TRAPPC9: variants seen among roughly 807,000 people sequenced by gnomAD.
The protein encoded by TRAPPC9 is trafficking protein particle complex subunit 9, also known as IKK2 binding protein.
Under a neutral mutation model 124.0 loss-of-function variants are expected in TRAPPC9, and 83 were observed. That is an observed-to-expected ratio of 0.67 (90% CI 0.56 to 0.80). The LOEUF (loss-of-function observed/expected upper bound fraction) is 0.80. TRAPPC9 is among the 30% of genes least tolerant of loss of function. The probability of loss-of-function intolerance (pLI) is 0.00; values close to 1 mark genes in which losing one functional copy is unlikely to be tolerated. For missense variants in TRAPPC9, 1,302 were observed against 1,508.3 expected, an observed-to-expected ratio of 0.86 and a Z score of 2.27; for synonymous variants, 638 against 617.5, an observed-to-expected ratio of 1.03 and a Z score of -0.49.
chr8:140,300,765 A>C, intron 10 of TRAPPC9, 151 bp from the exon 11 acceptor site: 1 of 925,960 alleles, frequency 1.1e-6, no homozygotes, highest in Non-Finnish European at 1.7e-6. Flanking sequence ...GCATCAGGAC[A>C]CAGCAAGGAA....
At chr8:140,400,495 G>A (rs1199051718) in intron 6 of TRAPPC9, among the ~76,000 whole-genome samples, 2 of 152,260 alleles carry the variant, frequency 1.3e-5, no homozygotes, top group Admixed American at 6.5e-5. Flanking sequence ...ATTTTACTTG[G>A]TTGCAAAACA....
At chr8:140,103,838 G>A (rs1232365295) in intron 17 of TRAPPC9, among the ~76,000 whole-genome samples, 1 of 152,184 alleles carries the variant, frequency 6.6e-6, no homozygotes, top group Non-Finnish European at 1.5e-5. Flanking sequence ...ACCCAGCTAA[G>A]AAGAAACAGG....
At chr8:140,036,677 AC>A (rs1840911440) in intron 17 of TRAPPC9, among the ~76,000 whole-genome samples, 1 of 152,016 alleles carries the variant, frequency 6.6e-6, no homozygotes, top group South Asian at 2.1e-4. Flanking sequence ...GGCTGAAGAG[AC>A]GTGGCTCACA....
intron 17 of TRAPPC9, among the ~76,000 whole-genome samples, chr8:140,190,695 A>G (rs144737774): frequency 4.2e-3 from 645 of 152,336 alleles, no homozygotes; most frequent in Non-Finnish European, 6.6e-3. Flanking sequence ...ACAAACTGCT[A>G]GCTTCTTCTC....
intron 6 of TRAPPC9, among the ~76,000 whole-genome samples, chr8:140,403,315 G>C (rs1035128255): frequency 6.6e-6 from 1 of 151,890 alleles, no homozygotes. Flanking sequence ...CTGTAGTCCC[G>C]CTACTCAGGA....
At chr8:140,391,712 CAAAA>C (rs1238939604) in intron 7 of TRAPPC9, among the ~76,000 whole-genome samples, 6 of 75,456 alleles carry the variant, frequency 8.0e-5, no homozygotes, top group Non-Finnish European at 5.7e-5. Context: ...AACTCTGTCT[CAAAA>C]AAAAAAAAAA....
chr8:139,964,245 A>T (rs1587356237), intron 19 of TRAPPC9, among the ~76,000 whole-genome samples: 1 of 69,172 alleles, frequency 1.4e-5, no homozygotes, highest in African/African-American at 3.1e-5. Context: ...AAAAAAAAAA[A>T]GCGGGGGAGC....
chr8:140,306,278 G>C (rs1021084873), intron 10 of TRAPPC9, among the ~76,000 whole-genome samples: 12 of 152,086 alleles, frequency 7.9e-5, no homozygotes, highest in Non-Finnish European at 1.8e-4. Context: ...GGTGGATCAT[G>C]AGGTCAAGGG....
At chr8:140,041,256 G>A (rs148645463) in intron 17 of TRAPPC9, among the ~76,000 whole-genome samples, 4 of 152,224 alleles carry the variant, frequency 2.6e-5, no homozygotes, top group African/African-American at 7.2e-5. Context: ...TCAACATACT[G>A]TACCTGGCAG....
chr8:140,236,616 C>T (rs891785304), intron 16 of TRAPPC9, among the ~76,000 whole-genome samples: 5 of 152,100 alleles, frequency 3.3e-5, no homozygotes, highest in African/African-American at 9.7e-5. Flanking sequence ...ATGTAAGTTA[C>T]ACTTCCATAA....
intron 5 of TRAPPC9, among the ~76,000 whole-genome samples, chr8:140,423,993 T>A (rs897684750): frequency 6.6e-6 from 1 of 151,878 alleles, no homozygotes; most frequent in African/African-American, 2.4e-5. Flanking sequence ...CAAAGGAGAG[T>A]GACTGCTAAC....
intron 5 of TRAPPC9, among the ~76,000 whole-genome samples, chr8:140,415,448 G>A (rs1308917907): frequency 3.3e-5 from 5 of 151,186 alleles, no homozygotes; most frequent in Non-Finnish European, 5.9e-5. Context: ...CCAGTTACTC[G>A]GAAAGCTGAG....
chr8:140,133,974 C>A (rs1240949092), intron 17 of TRAPPC9, among the ~76,000 whole-genome samples: 1 of 151,418 alleles, frequency 6.6e-6, no homozygotes, highest in African/African-American at 2.4e-5. Context: ...CAATACTACC[C>A]AAAACAAAGA....
At chr8:140,220,702 C>T (rs866709598) in intron 17 of TRAPPC9, among the ~76,000 whole-genome samples, 4 of 152,228 alleles carry the variant, frequency 2.6e-5, no homozygotes, top group Admixed American at 6.5e-5. Context: ...CACTGACTCA[C>T]AAGCATCTTG....
At chr8:140,240,551 A>G (rs983396279) in intron 16 of TRAPPC9, among the ~76,000 whole-genome samples, 7 of 152,130 alleles carry the variant, frequency 4.6e-5, no homozygotes, top group Non-Finnish European at 1.0e-4. Flanking sequence ...ATCTCAGATG[A>G]CACTCCCAAA....
intron 4 of TRAPPC9, among the ~76,000 whole-genome samples, chr8:140,431,445 C>CA (rs903887167): frequency 3.1e-4 from 44 of 142,668 alleles, no homozygotes; most frequent in South Asian, 1.8e-3. Flanking sequence ...GACTCTGTCT[C>CA]AAAAAAAAAA....
chr8:140,259,344 A>G (rs2064346013), intron 15 of TRAPPC9, among the ~76,000 whole-genome samples: 1 of 152,192 alleles, frequency 6.6e-6, no homozygotes, highest in South Asian at 2.1e-4. Context: ...CCATCCAGGT[A>G]CCAAGCAGCT....
intron 17 of TRAPPC9, chr8:140,099,463 T>C (rs1291393489): frequency 6.7e-6 from 1 of 149,226 alleles, no homozygotes; most frequent in Non-Finnish European, 1.5e-5. Flanking sequence ...TCCACAGCCT[T>C]CCACAGGGGA....
At chr8:140,413,155 G>A (rs199901560) in intron 5 of TRAPPC9, among the ~76,000 whole-genome samples, 15 of 152,234 alleles carry the variant, frequency 9.9e-5, no homozygotes, top group Middle Eastern at 6.8e-3. Context: ...TTGGGAGGCC[G>A]AGGCAGGTAG....
Sources: allele counts gnomAD v4.1 joint callset (sites outside exome capture counted in the v4.1 genomes callset), GRCh38; gene constraint gnomAD v4.1.1; transcripts MANE v1.5; gene names NCBI Gene and HGNC (gene_info 2026-07-23, HGNC 2026-07-21).